The following CFAP20 variants were observed in gnomAD, a reference collection of about 807,000 sequenced individuals.
The protein encoded by CFAP20 is cilia and flagella associated protein 20, also known as cilia- and flagella-associated protein 20.
Under a neutral mutation model 25.5 loss-of-function variants are expected in CFAP20, and 14 were observed. The ratio of observed to expected loss-of-function variants is 0.55; its 90% CI spans 0.36 to 0.86. The LOEUF (loss-of-function observed/expected upper bound fraction) is 0.86. Among genes scored for constraint, CFAP20 ranks in the 40% least tolerant of loss-of-function variants. The probability of loss-of-function intolerance (pLI) is 0.01; values close to 1 mark genes in which losing one functional copy is unlikely to be tolerated. For missense variants in CFAP20, 181 were observed against 248.0 expected (o/e 0.73, Z 1.81); for synonymous variants, 75 against 91.1 (o/e 0.82, Z 1.01).
intron 1 of CFAP20, among the ~76,000 whole-genome samples, chr16:58,123,552 TGCCACTGCACTCCA>T (rs1231314956): frequency 8.2e-6 from 1 of 122,462 alleles, no homozygotes; most frequent in African/African-American, 3.0e-5. Flanking sequence ...GCCGAGATCG[TGCCACTGCACTCCA>T]GCCTGGGGGA....
rs1239240822 is a variant in CFAP20, at chr16:58,115,966, C to T, written c.276+75G>A. The T allele has an allele frequency of 6.7e-6, 7 of 1,047,604 alleles. No individual in the cohort carries two copies. In the African/African-American group the frequency reaches 1.1e-4, roughly 17 times the overall value. The allele number at this position is 1,047,604 out of a possible 1,614,324, so 64.9% of individuals were successfully genotyped here. A position where few individuals can be genotyped will look rare whatever the true frequency, so the allele number is the denominator to read the frequency against. Reference sequence around the variant, plus strand: ...AAAGGATAAAGATACTTTGTAGGGTCACTTTTTCCCATCAGTTCAAAGGCT... The same window carrying T: ...AAAGGATAAAGATACTTTGTAGGGTTACTTTTTCCCATCAGTTCAAAGGCT... On this transcript the variant is annotated intron_variant, in intron 3 of 5. Transcript: ENST00000262498.
intron 5 of CFAP20, among the ~76,000 whole-genome samples, 172 bp downstream of exon 5, chr16:58,114,638 G>A (rs1448967513): frequency 1.3e-5 from 2 of 152,142 alleles, no homozygotes; most frequent in African/African-American, 2.4e-5. Flanking sequence ...GTATTTCACA[G>A]GAGCATTCCT....
At position 58,115,319 on chromosome 16, in the gene CFAP20, A is replaced by G; in HGVS notation, c.415T>C (p.Phe139Leu). 8.7e-6 allele frequency: 14 copies of G among 1,614,232 alleles called. No individual in the cohort carries two copies. The highest frequency in any genetic ancestry group is 1.2e-5 in the Non-Finnish European group (14 of 1,180,038). ...WNQIQFNLLD[F>L]TRRAYGTNYI... ...TTGGTGCCGTATGCTCGCCGTGTGA[A>G]GTCTAGCAAGTTGAACTGAATCTGG... Residue 139 changes from phenylalanine to leucine, a missense_variant, in exon 4 of 6, where the codon TTC (phenylalanine) becomes CTC (leucine). Physicochemically the swap from Phe to Leu is conservative, Grantham distance 22. Transcript: ENST00000262498.
Position 58,113,921 on chromosome 16 carries a change from CAGAGCAAACTA to C in CFAP20, c.*93_*103del. 2 of 1,328,824 alleles carry C rather than the reference CAGAGCAAACTA, an allele frequency of 1.5e-6. No homozygotes were observed. Among genetic ancestry groups the C allele is most frequent in the Admixed American group, 3.4e-5 (2 of 58,810 alleles). The allele number at this position is 1,328,824 out of a possible 1,614,324, so 82.3% of individuals were successfully genotyped here. A position where few individuals can be genotyped will look rare whatever the true frequency, so the allele number is the denominator to read the frequency against. On this transcript the variant is annotated 3_prime_UTR_variant, in exon 6 of 6. Transcript: ENST00000262498. ...CCAAGTATAAATAACAGAACTACAG[CAGAGCAAACTA>C]AGATAAATATGTTTTTGCATCGTCC... is the stretch of plus-strand genomic sequence containing the variant.
At chr16:58,128,971 C>G in intron 1 of CFAP20, 61 bp downstream of exon 1, 1 of 1,539,824 alleles carries the variant, frequency 6.5e-7, no homozygotes, top group East Asian at 2.3e-5. Flanking sequence ...CCGTCCCCAG[C>G]CCCCGGACGA....
rs1431953170 is a variant in CFAP20, at chr16:58,113,964, T to TA, written c.*60dup. 1 of 1,555,670 alleles carries TA rather than the reference T, an allele frequency of 6.4e-7. No homozygotes were observed. The highest frequency in any genetic ancestry group is 8.9e-7 in the Non-Finnish European group (1 of 1,127,166). On this transcript the variant is annotated 3_prime_UTR_variant, in exon 6 of 6. Coordinates refer to ENST00000262498, the MANE Select transcript of CFAP20 (RefSeq NM_013242.3). ...ATATGTTTTTGCATCGTCCTCCACA[T>TA]AGTTTCCTTTTAAAAAGAAGAGTCA...
At chr16:58,118,835 CAA>C (rs1425870011) in intron 1 of CFAP20, among the ~76,000 whole-genome samples, 3 of 151,820 alleles carry the variant, frequency 2.0e-5, no homozygotes. Context: ...AATGAACAAA[CAA>C]ACAAAAAAAC....
intron 1 of CFAP20, among the ~76,000 whole-genome samples, chr16:58,125,233 T>G (rs905061491): frequency 6.6e-6 from 1 of 152,350 alleles, no homozygotes; most frequent in African/African-American, 2.4e-5. Flanking sequence ...CACCTCCACA[T>G]GCTGTCCCAC....
At chr16:58,114,452 G>A (rs1960428458) in intron 5 of CFAP20, among the ~76,000 whole-genome samples, 1 of 151,808 alleles carries the variant, frequency 6.6e-6, no homozygotes, top group Non-Finnish European at 1.5e-5. Flanking sequence ...CTTGAACCTG[G>A]AAGGCAGAGG....
intron 5 of CFAP20, 93 bp from the exon 6 acceptor site, chr16:58,114,123 G>C: frequency 1.5e-6 from 2 of 1,333,654 alleles, no homozygotes; most frequent in Non-Finnish European, 2.2e-6. Flanking sequence ...TGACACTTGA[G>C]TGGACAGTGA....
intron 1 of CFAP20, among the ~76,000 whole-genome samples, chr16:58,120,711 C>A (rs1960523587): frequency 6.6e-6 from 1 of 152,136 alleles, no homozygotes; most frequent in African/African-American, 2.4e-5. Context: ...TACTAGATAA[C>A]AAACACACTC....
At position 58,115,423 on chromosome 16, in the gene CFAP20, C is replaced by T. The variant is rs752101250; in HGVS notation, c.311G>A (p.Arg104Gln). 8 of 1,614,014 alleles carry T rather than the reference C, an allele frequency of 5.0e-6. No individual in the cohort carries two copies. Among genetic ancestry groups the T allele is most frequent in the African/African-American group, 1.3e-5 (1 of 74,900 alleles). The change falls in exon 4 of 6, where the codon CGG becomes CAG. Residue 104 changes from arginine (R) to glutamine (Q), a missense_variant. Coordinates refer to ENST00000262498, the MANE Select transcript of CFAP20 (RefSeq NM_013242.3). The part of the protein sequence containing the change: ...LDDKNVRRRF[R>Q]ASNYQSTTRV... ...GGTGGTGCTCTGGTAGTTACTTGCCCGAAAGCGACGACGCACATTCTTGTC... is the reference window on the plus strand; with the variant it reads ...GGTGGTGCTCTGGTAGTTACTTGCCTGAAAGCGACGACGCACATTCTTGTC...
rs188420054 is a variant in CFAP20, at chr16:58,118,063, G to A, written c.85-1112C>T. ...GCATATGTAGGAGGTAGATGATGGG[G>A]AGGAATCAATATTCAATACAGATTC... On this transcript the variant is annotated intron_variant, in intron 1 of 5. Coordinates refer to ENST00000262498, the MANE Select transcript of CFAP20 (RefSeq NM_013242.3). Among the ~76,000 whole-genome samples, 12 of 152,326 alleles carry A rather than the reference G, an allele frequency of 7.9e-5. No individual in the cohort carries two copies. In the East Asian group the frequency reaches 1.9e-3, roughly 24 times the overall value.
At chr16:58,118,932 T>C (rs1960494855) in intron 1 of CFAP20, among the ~76,000 whole-genome samples, 1 of 152,128 alleles carries the variant, frequency 6.6e-6, no homozygotes, top group Non-Finnish European at 1.5e-5. Context: ...AAGACAAACA[T>C]ACGGTCTTTC....
intron 1 of CFAP20, chr16:58,119,332 A>G (rs1240045539): frequency 6.6e-6 from 1 of 152,278 alleles, no homozygotes; most frequent in Non-Finnish European, 1.5e-5. Context: ...TGCTTAGCAC[A>G]GTGCTAGCCA....
intron 1 of CFAP20, among the ~76,000 whole-genome samples, chr16:58,128,269 GAATA>G (rs1417813185): frequency 2.6e-5 from 4 of 152,182 alleles, no homozygotes; most frequent in Admixed American, 2.6e-4. Context: ...GTGGATGCCT[GAATA>G]AAGATGAGGC....
Position 58,115,462 on chromosome 16 carries a change from G to A in CFAP20, c.277-5C>T. The A allele has an allele frequency of 6.2e-7, 1 of 1,613,762 alleles. No homozygotes were observed. The highest frequency in any genetic ancestry group is 8.5e-7 in the Non-Finnish European group (1 of 1,179,784). The stretch of plus-strand genomic sequence containing the variant: ...CACATTCTTGTCATCTAGTACCTGT[G>A]AAATACAGAGAAGAAGCATCACACT... On this transcript the variant is annotated splice_region_variant and splice_polypyrimidine_tract_variant and intron_variant, in intron 3 of 5. Coordinates refer to ENST00000262498, the MANE Select transcript of CFAP20 (RefSeq NM_013242.3).
chr16:58,122,249 A>G (rs1056519295), intron 1 of CFAP20, among the ~76,000 whole-genome samples: 3 of 152,212 alleles, frequency 2.0e-5, no homozygotes, highest in Non-Finnish European at 4.4e-5. Context: ...CGTAAGGACA[A>G]TTATGTGCAC....
Position 58,129,150 on chromosome 16 carries a change from G to A in CFAP20, c.-35C>T. 1 of 1,608,620 alleles carries A rather than the reference G, an allele frequency of 6.2e-7. No individual in the cohort carries two copies. The highest frequency in any genetic ancestry group is 2.2e-5 in the East Asian group (1 of 44,740). On this transcript the variant is annotated 5_prime_UTR_variant, in exon 1 of 6. Transcript: ENST00000262498. ...GGCCTTCTCCTAAGCCGCCCCCGGA[G>A]CCGACCTAGGCCCCGGAGTAGATAC...
Sources: gnomAD v4.1 joint callset for allele counts (sites outside exome capture counted in the v4.1 genomes callset) on GRCh38, gnomAD v4.1.1 for gene constraint, MANE v1.5 for transcripts, NCBI Gene and HGNC (gene_info 2026-07-23, HGNC 2026-07-21) for gene names.